Variants in MAPK10 observed in about 807,000 individuals in gnomAD.
The protein encoded by MAPK10 is mitogen-activated protein kinase 10.
Under a neutral mutation model 59.3 loss-of-function variants are expected in MAPK10, and 25 were observed. The observed-to-expected ratio is 0.42, with a 90% CI of 0.31 to 0.59. The LOEUF (loss-of-function observed/expected upper bound fraction) is 0.59, where lower values mean the gene tolerates loss of function less well. MAPK10 is among the 20% of genes least tolerant of loss of function. MAPK10 has a pLI of 0.15. For synonymous variants in MAPK10, 190 were observed against 200.5 expected (o/e 0.95, Z 0.44); for missense variants, 351 against 568.9 (o/e 0.62, Z 3.90).
intron 1 of MAPK10, among the ~76,000 whole-genome samples, chr4:86,584,268 A>T (rs967892355): frequency 6.6e-5 from 10 of 152,178 alleles, no homozygotes; most frequent in African/African-American, 2.4e-4. Context: ...CAACATCAAG[A>T]TTAATTCTGT....
chr4:86,533,703 C>T (rs116226328), intron 1 of MAPK10, among the ~76,000 whole-genome samples: 1,614 of 152,284 alleles, frequency 0.011, 15 homozygotes, highest in Non-Finnish European at 0.015. Context: ...CACTTTGTAG[C>T]CTGATTCTGA....
At chr4:86,211,703 T>G (rs1349421444) in intron 2 of MAPK10, among the ~76,000 whole-genome samples, 1 of 152,168 alleles carries the variant, frequency 6.6e-6, no homozygotes, top group Non-Finnish European at 1.5e-5. Flanking sequence ...GTAATTCTAC[T>G]CTTTGCTTTC....
intron 4 of MAPK10, chr4:86,107,765 A>G: frequency 4.6e-6 from 2 of 430,114 alleles, no homozygotes; most frequent in Non-Finnish European, 6.2e-6. Context: ...CTCATCTGTT[A>G]ATATATGATA....
chr4:86,580,492 C>A (rs1185181136), intron 1 of MAPK10, among the ~76,000 whole-genome samples: 1 of 150,920 alleles, frequency 6.6e-6, no homozygotes, highest in Non-Finnish European at 1.5e-5. Context: ...GAGCGAGACT[C>A]CACCTCAGAA....
intron 3 of MAPK10, among the ~76,000 whole-genome samples, chr4:86,165,568 TTTTTTTTTTTTTTTTA>T: frequency 8.7e-6 from 1 of 114,786 alleles, no homozygotes; most frequent in African/African-American, 4.2e-5. Flanking sequence ...TTTTTTTTTT[TTTTTTTTTTTTTTTTA>T]GAGATGAGGT....
intron 2 of MAPK10, among the ~76,000 whole-genome samples, chr4:86,314,492 C>T (rs1390201701): frequency 1.3e-5 from 2 of 152,094 alleles, no homozygotes; most frequent in African/African-American, 2.4e-5. Context: ...TAAGAAGTGC[C>T]TTTCACCTCC....
chr4:86,277,099 C>G (rs946092606), intron 2 of MAPK10: 1 of 151,958 alleles, frequency 6.6e-6, no homozygotes, highest in African/African-American at 2.4e-5. Flanking sequence ...TATGTTGGAT[C>G]CTGCTCATAC....
chr4:86,515,507 G>T (rs1343980377), intron 1 of MAPK10, among the ~76,000 whole-genome samples: 4 of 151,908 alleles, frequency 2.6e-5, no homozygotes, highest in African/African-American at 4.8e-5. Flanking sequence ...ATTATTTTTT[G>T]ATTTTTTAAT....
intron 5 of MAPK10, among the ~76,000 whole-genome samples, chr4:86,104,297 A>C (rs2056132836): frequency 6.6e-6 from 1 of 152,134 alleles, no homozygotes; most frequent in Non-Finnish European, 1.5e-5. Flanking sequence ...TCTAGTATAC[A>C]TATATATGGC....
In MAPK10 at chr4:86,272,515, T is replaced by A. The variant is rs138613038; in HGVS notation, c.-6-78108A>T. On this transcript the variant is annotated intron_variant, in intron 2 of 13. Transcript: ENST00000641462. ...TATGGTATAAAGTAGAGGTTAAGGT[T>A]TTTTCATACATTTATACTCAGTTTT... Among the ~76,000 whole-genome samples, 883 of 152,128 alleles carry A rather than the reference T, an allele frequency of 5.8e-3. 7 individuals carry two copies. The highest frequency in any genetic ancestry group is 0.02 in the African/African-American group (831 of 41,516).
At chr4:86,541,726 G>C (rs1346882424) in intron 1 of MAPK10, among the ~76,000 whole-genome samples, 1 of 152,088 alleles carries the variant, frequency 6.6e-6, no homozygotes, top group East Asian at 1.9e-4. Context: ...TCTCTATTCT[G>C]AGAAAAAAGC....
At chr4:86,019,423 A>C (rs1381853173) in intron 13 of MAPK10, among the ~76,000 whole-genome samples, 2 of 152,190 alleles carry the variant, frequency 1.3e-5, no homozygotes, top group Admixed American at 1.3e-4. Context: ...AGGACAATGT[A>C]TAAAGTTATA....
chr4:86,172,811 A>G (rs115318059), intron 3 of MAPK10, among the ~76,000 whole-genome samples: 12,813 of 151,828 alleles, frequency 0.084, 1,193 homozygotes, highest in African/African-American at 0.23. Flanking sequence ...AAGCATTCCT[A>G]TACACCAACA....
At chr4:86,283,799 A>C (rs1378508865) in intron 2 of MAPK10, among the ~76,000 whole-genome samples, 1 of 152,192 alleles carries the variant, frequency 6.6e-6, no homozygotes, top group Non-Finnish European at 1.5e-5. Context: ...AGACATTTTC[A>C]TGTCTGTTTT....
intron 10 of MAPK10, 65 bp from the exon 11 acceptor site, chr4:86,064,455 A>T: frequency 6.6e-7 from 1 of 1,511,630 alleles, no homozygotes; most frequent in Non-Finnish European, 9.2e-7. Context: ...TTTGTCAGAG[A>T]GGAAATTTAA....
chr4:86,096,752 G>C (rs2054291498), intron 9 of MAPK10, among the ~76,000 whole-genome samples: 1 of 151,822 alleles, frequency 6.6e-6, no homozygotes, highest in Non-Finnish European at 1.5e-5. Flanking sequence ...CTATAATATT[G>C]TTCAAATAAA....
At chr4:86,042,017 A>G (rs1275120034) in intron 11 of MAPK10, among the ~76,000 whole-genome samples, 1 of 152,228 alleles carries the variant, frequency 6.6e-6, no homozygotes. Context: ...ACATGCACAC[A>G]TATGTTTATT....
intron 1 of MAPK10, among the ~76,000 whole-genome samples, chr4:86,507,381 A>T (rs984513454): frequency 6.7e-6 from 1 of 149,668 alleles, no homozygotes; most frequent in Non-Finnish European, 1.5e-5. Context: ...CGGAGAAAAA[A>T]CCCCTTTCAT....
At chr4:86,427,040 G>A (rs576579590) in intron 1 of MAPK10, among the ~76,000 whole-genome samples, 10 of 151,906 alleles carry the variant, frequency 6.6e-5, no homozygotes, top group South Asian at 4.2e-4. Flanking sequence ...GGCAGATCAC[G>A]AGGTCAAGAG....
Sources: allele counts gnomAD v4.1 joint callset (sites outside exome capture counted in the v4.1 genomes callset), GRCh38; gene constraint gnomAD v4.1.1; transcripts MANE v1.5; gene names NCBI Gene and HGNC (gene_info 2026-07-23, HGNC 2026-07-21).